Variants in ABLIM2 observed in about 807,000 individuals in gnomAD.
ABLIM2 encodes actin binding LIM protein family member 2.
ABLIM2 carries 53 observed loss-of-function variants against 97.7 expected under a neutral mutation model. The observed-to-expected ratio is 0.54, with a 90% CI of 0.44 to 0.68. ABLIM2 has a LOEUF of 0.68. Among genes scored for constraint, ABLIM2 ranks in the 30% least tolerant of loss-of-function variants. The pLI is 0.00. For missense variants in ABLIM2, 835 were observed against 867.2 expected, an observed-to-expected ratio of 0.96 and a Z score of 0.47; for synonymous variants, 361 against 345.8, an observed-to-expected ratio of 1.04 and a Z score of -0.49.
At position 8,019,687 on chromosome 4, in the gene ABLIM2, GA is replaced by G; in HGVS notation, c.1370-17del. On this transcript the variant is annotated splice_polypyrimidine_tract_variant and intron_variant, in intron 13 of 20. Transcript: ENST00000447017. This position sits in a 1 kb window ranked among gnomAD's most constrained non-coding sequence, Gnocchi z 4.3. ...ACGCCAGTGTCTGGGGAAGAAGAAA[GA>G]AAAAAAAGGAGAGAACAGGAGGGTA... 7 of 1,600,180 alleles carry G rather than the reference GA, an allele frequency of 4.4e-6. No individual in the cohort carries two copies. The highest frequency in any genetic ancestry group is 2.7e-5 in the African/African-American group (2 of 74,040).
chr4:8,086,231 AT>A (rs150050657), intron 4 of ABLIM2, among the ~76,000 whole-genome samples: 3,514 of 151,290 alleles, frequency 0.023, 121 homozygotes, highest in African/African-American at 0.082. Context: ...TTCAAAATAA[AT>A]TTACATTTGG....
In ABLIM2 at chr4:8,083,590, G is replaced by A. The variant is rs549607173; in HGVS notation, c.455-2788C>T. Among the ~76,000 whole-genome samples, 39 of 152,342 alleles carry A rather than the reference G, an allele frequency of 2.6e-4. 1 individual carries two copies. Among genetic ancestry groups the A allele is most frequent in the Middle Eastern group, 6.8e-3 (2 of 294 alleles). On this transcript the variant is annotated intron_variant, in intron 4 of 20. Coordinates refer to ENST00000447017, the MANE Select transcript of ABLIM2 (RefSeq NM_001130083.2). The surrounding 1 kb of genome is among the most constrained non-coding windows in gnomAD (Gnocchi z 4.6). ...TCCTATCAGCAGTACACGTGGAGATGAGAGCAAGGTGCAAAAGGAGCGTTG... is the reference window on the plus strand; with the variant it reads ...TCCTATCAGCAGTACACGTGGAGATAAGAGCAAGGTGCAAAAGGAGCGTTG...
chr4:8,121,371 C>T (rs1218124147), intron 1 of ABLIM2, among the ~76,000 whole-genome samples: 1 of 152,242 alleles, frequency 6.6e-6, no homozygotes, highest in Non-Finnish European at 1.5e-5. Flanking sequence ...CTCTCCAGGC[C>T]TCCAGTCGCT....
At chr4:7,980,239 C>T (rs1374570438) in intron 20 of ABLIM2, among the ~76,000 whole-genome samples, 1 of 152,144 alleles carries the variant, frequency 6.6e-6, no homozygotes, top group Non-Finnish European at 1.5e-5. Context: ...TCATTCTACC[C>T]TCCTCCCTTC....
intron 9 of ABLIM2, chr4:8,041,432 A>C (rs1788444883): frequency 6.6e-6 from 1 of 152,048 alleles, no homozygotes; most frequent in African/African-American, 2.4e-5. Flanking sequence ...TCCTGGAAAA[A>C]ACCTAAGCCT....
In ABLIM2 at chr4:8,152,809, G is replaced by A. The variant is rs1417389479; in HGVS notation, c.10+5871C>T. On this transcript the variant is annotated intron_variant, in intron 1 of 20. Coordinates refer to ENST00000447017, the MANE Select transcript of ABLIM2 (RefSeq NM_001130083.2). ...TCTACCACGTGCCAGGCAGAGACTG[G>A]TCAGCTCATGAGACCCTCAATCCCT... Among the ~76,000 whole-genome samples the A allele has an allele frequency of 2.0e-5, 3 of 152,190 alleles. No homozygotes were observed. In the East Asian group the frequency reaches 5.8e-4, roughly 29 times the overall value.
At chr4:8,052,568 C>T (rs1796716670) in intron 8 of ABLIM2, among the ~76,000 whole-genome samples, 1 of 152,246 alleles carries the variant, frequency 6.6e-6, no homozygotes, top group African/African-American at 2.4e-5. Context: ...GGACCCCCTC[C>T]CCTGCCAAAA....
chr4:7,973,141 A>G (rs1241798951), intron 20 of ABLIM2, among the ~76,000 whole-genome samples: 1 of 130,798 alleles, frequency 7.6e-6, no homozygotes, highest in Non-Finnish European at 1.7e-5. Context: ...TAGGAAAGGA[A>G]TTCCAGGAAG....
chr4:8,080,580 G>C (rs1819145635), intron 5 of ABLIM2, 96 bp downstream of exon 5: 5 of 1,348,826 alleles, frequency 3.7e-6, no homozygotes, highest in Non-Finnish European at 4.9e-6. Context: ...GAGAGACACA[G>C]AGAGGGTGGC....
At chr4:8,079,068 C>T (rs1818089155) in intron 5 of ABLIM2, among the ~76,000 whole-genome samples, 1 of 152,256 alleles carries the variant, frequency 6.6e-6, no homozygotes, top group Admixed American at 6.5e-5. Context: ...GATGTGGGGT[C>T]ATGAGCCCCG....
chr4:7,986,928 C>G lies in ABLIM2; in HGVS notation c.1681-2035G>C, dbSNP rs1421766994. On this transcript the variant is annotated intron_variant, in intron 17 of 20. Coordinates refer to ENST00000447017, the MANE Select transcript of ABLIM2 (RefSeq NM_001130083.2). This position sits in a 1 kb window ranked among gnomAD's most constrained non-coding sequence, Gnocchi z 4.3. ...TCAGGTGATCCACCCGCGTTGGCCT[C>G]CCAAAGTGCTGGGATTATAGGCATA... Among the ~76,000 whole-genome samples, 3 of 152,196 alleles carry G rather than the reference C, an allele frequency of 2.0e-5. No homozygotes were observed. Among genetic ancestry groups the G allele is most frequent in the African/African-American group, 7.2e-5 (3 of 41,454 alleles).
intron 1 of ABLIM2, among the ~76,000 whole-genome samples, chr4:8,142,688 C>G (rs1851177052): frequency 6.6e-6 from 1 of 152,198 alleles, no homozygotes; most frequent in Non-Finnish European, 1.5e-5. Context: ...CAGAGGGGGA[C>G]CAGGGCTCCT....
At chr4:8,154,835 GA>G (rs1433401570) in intron 1 of ABLIM2, among the ~76,000 whole-genome samples, 1 of 152,220 alleles carries the variant, frequency 6.6e-6, no homozygotes, top group Non-Finnish European at 1.5e-5. Context: ...ATTTGTAAAG[GA>G]AATAGGTTTC....
At chr4:8,105,845 G>A (rs185741525) in intron 2 of ABLIM2, among the ~76,000 whole-genome samples, 231 of 152,296 alleles carry the variant, frequency 1.5e-3, no homozygotes, top group African/African-American at 5.1e-3. Flanking sequence ...GGGCACATGC[G>A]TTATCTTTGT....
At chr4:8,106,463 G>T in intron 2 of ABLIM2, 31 bp downstream of exon 2, 1 of 1,576,226 alleles carries the variant, frequency 6.3e-7, no homozygotes. Flanking sequence ...CGTTTCAGGG[G>T]CCACACTGCA....
At chr4:8,024,054 T>C (rs1775726941) in intron 12 of ABLIM2, among the ~76,000 whole-genome samples, 1 of 152,142 alleles carries the variant, frequency 6.6e-6, no homozygotes, top group South Asian at 2.1e-4. Context: ...ATGAGGACCT[T>C]TTGCAGCTGA....
rs1722792099 is a variant in ABLIM2, at chr4:7,965,903, G to C, written c.*1087C>G. 6.6e-6 allele frequency: 1 copy of C among 152,268 alleles called. No homozygotes were observed. The highest frequency in any genetic ancestry group is 1.5e-5 in the Non-Finnish European group (1 of 68,088). The allele number at this position is 152,268 out of a possible 1,614,324, so 9.4% of individuals were successfully genotyped here. A position where few individuals can be genotyped will look rare whatever the true frequency, so the allele number is the denominator to read the frequency against. ...TATGTTTCAGGCTGAGACACCGCCA[G>C]CCACAGCACAAGGACGGTGCATCAA... On this transcript the variant is annotated 3_prime_UTR_variant, in exon 21 of 21. Coordinates refer to ENST00000447017, the MANE Select transcript of ABLIM2 (RefSeq NM_001130083.2).
At chr4:8,009,912 C>T (rs1052421559) in intron 14 of ABLIM2, among the ~76,000 whole-genome samples, 10 of 152,144 alleles carry the variant, frequency 6.6e-5, no homozygotes, top group Admixed American at 2.6e-4. Context: ...GGCAAGTGGG[C>T]GGTAGGGGCC....
Position 8,032,573 on chromosome 4 carries a change from C to T in ABLIM2, c.1048-2797G>A, listed in dbSNP as rs549817616. 2.2e-5 allele frequency: 35 copies of T among 1,590,428 alleles called. No homozygotes were observed. The African/African-American group carries it at 2.5e-4, about 12-fold the overall frequency. ...ACCGAGGAGGCCCTTCCCGGGAGTG[C>T]GGCTGGGTGGTTATGTTTATAACCC... On this transcript the variant is annotated intron_variant, in intron 10 of 20. Coordinates refer to ENST00000447017, the MANE Select transcript of ABLIM2 (RefSeq NM_001130083.2). The surrounding 1 kb of genome is among the most constrained non-coding windows in gnomAD (Gnocchi z 4.3).
Sources: gnomAD v4.1 joint callset for allele counts (sites outside exome capture counted in the v4.1 genomes callset) on GRCh38, gnomAD v4.1.1 for gene constraint, Gnocchi (gnomAD v3.1) non-coding constraint, MANE v1.5 for transcripts, NCBI Gene and HGNC (gene_info 2026-07-23, HGNC 2026-07-21) for gene names.